ARFGEF1: variants seen among roughly 807,000 people sequenced by gnomAD.
The protein encoded by ARFGEF1 is ARF guanine nucleotide exchange factor 1.
ARFGEF1 carries 42 observed loss-of-function variants against 231.0 expected under a neutral mutation model. The ratio of observed to expected loss-of-function variants is 0.18; its 90% CI spans 0.14 to 0.24. The LOEUF (loss-of-function observed/expected upper bound fraction) is 0.24. Among genes scored for constraint, ARFGEF1 ranks in the 10% least tolerant of loss-of-function variants. ARFGEF1 has a pLI of 1.00. For missense variants in ARFGEF1, 1,345 were observed against 2,192.0 expected, an observed-to-expected ratio of 0.61 and a Z score of 7.72; for synonymous variants, 710 against 732.3, an observed-to-expected ratio of 0.97 and a Z score of 0.49.
At chr8:67,262,854 T>C (rs1374245201) in intron 14 of ARFGEF1, among the ~76,000 whole-genome samples, 3 of 152,206 alleles carry the variant, frequency 2.0e-5, no homozygotes, top group Non-Finnish European at 2.9e-5. Context: ...TATAGGTTAA[T>C]AGACTATGGT....
chr8:67,288,232 C>A (rs760284839), intron 6 of ARFGEF1, among the ~76,000 whole-genome samples, 167 bp from the exon 7 acceptor site: 4 of 151,772 alleles, frequency 2.6e-5, no homozygotes, highest in Non-Finnish European at 5.9e-5. Context: ...AAAATGTATA[C>A]CAAAACTTAA....
chr8:67,199,162 G>A, intron 38 of ARFGEF1, 64 bp from the exon 39 acceptor site: 1 of 1,555,642 alleles, frequency 6.4e-7, no homozygotes. Flanking sequence ...AAACTGCCTA[G>A]AGTCAAACTA....
intron 14 of ARFGEF1, 65 bp downstream of exon 14, chr8:67,265,941 C>A: frequency 6.7e-7 from 1 of 1,488,182 alleles, no homozygotes; most frequent in Non-Finnish European, 9.3e-7. Context: ...AAACCCACGG[C>A]AGGGGTGGCA....
intron 1 of ARFGEF1, among the ~76,000 whole-genome samples, chr8:67,313,235 T>C (rs1223664272): frequency 6.6e-6 from 1 of 152,192 alleles, no homozygotes; most frequent in African/African-American, 2.4e-5. Context: ...CTTTATCTGG[T>C]CCTTCCCTGA....
intron 1 of ARFGEF1, among the ~76,000 whole-genome samples, chr8:67,308,634 T>G (rs1806853885): frequency 6.6e-6 from 1 of 152,206 alleles, no homozygotes; most frequent in South Asian, 2.1e-4. Flanking sequence ...CCATTCTTAC[T>G]CATCATCCCT....
chr8:67,287,922 C>G, intron 7 of ARFGEF1, 33 bp downstream of exon 7: 2 of 1,447,628 alleles, frequency 1.4e-6, no homozygotes, highest in Admixed American at 2.3e-5. Flanking sequence ...ATCCCATAGA[C>G]AGAGTAAAAT....
chr8:67,219,214 G>A (rs1031465390), intron 30 of ARFGEF1, among the ~76,000 whole-genome samples: 3 of 152,130 alleles, frequency 2.0e-5, no homozygotes, highest in Non-Finnish European at 4.4e-5. Context: ...TGATCCACCC[G>A]CCTTGGCCTC....
In ARFGEF1 at chr8:67,334,301, A is replaced by C. The variant is rs988626578; in HGVS notation, c.124+8863T>G. On this transcript the variant is annotated intron_variant, in intron 1 of 38. Coordinates refer to ENST00000262215, the MANE Select transcript of ARFGEF1 (RefSeq NM_006421.5). ...CCAAAGTCCAAAAAAAAAAAAAAAA[A>C]CAAAATTGAAAACATTTCTGATCCC... is the stretch of plus-strand genomic sequence containing the variant. Among the ~76,000 whole-genome samples the C allele has an allele frequency of 9.6e-5, 14 of 145,882 alleles. 1 individual carries two copies. Among genetic ancestry groups the C allele is most frequent in the East Asian group, 6.1e-4 (3 of 4,922 alleles).
At chr8:67,294,182 G>A (rs1345872273) in intron 5 of ARFGEF1, among the ~76,000 whole-genome samples, 1 of 152,084 alleles carries the variant, frequency 6.6e-6, no homozygotes. Flanking sequence ...GATGTGTGTA[G>A]CTTATATGCA....
At position 67,190,396 on chromosome 8, in the gene ARFGEF1, G is replaced by C. The variant is rs186565528; in HGVS notation, c.560+10000C>G. ...TTGAAACAGAGCCGTGTTTGCCCGG[G>C]GCCAGCAGGTGGGGAGTGATTGCCA... On this transcript the variant is annotated intron_variant, in intron 5 of 5. Coordinates refer to the ARFGEF1 transcript ENST00000518789. Among the ~76,000 whole-genome samples the C allele has an allele frequency of 3.3e-3, 499 of 152,222 alleles. 4 individuals are homozygous for C. The highest frequency in any genetic ancestry group is 0.012 in the African/African-American group (479 of 41,524).
intron 1 of ARFGEF1, among the ~76,000 whole-genome samples, chr8:67,339,586 T>C (rs1192589128): frequency 1.3e-5 from 2 of 151,558 alleles, no homozygotes; most frequent in Non-Finnish European, 2.9e-5. Context: ...TAAAAATAGC[T>C]CAGCTGTTGT....
At chr8:67,267,726 A>G (rs1804905565) in intron 10 of ARFGEF1, among the ~76,000 whole-genome samples, 1 of 152,152 alleles carries the variant, frequency 6.6e-6, no homozygotes, top group African/African-American at 2.4e-5. Flanking sequence ...CCTCTAGGTG[A>G]TAATTTCTTT....
intron 1 of ARFGEF1, among the ~76,000 whole-genome samples, chr8:67,313,194 A>AT (rs777020580): frequency 2.6e-5 from 4 of 152,148 alleles, no homozygotes; most frequent in East Asian, 1.9e-4. Context: ...CCAGGAGTTC[A>AT]TTTTTTGGAT....
chr8:67,224,853 A>G (rs769430030), intron 29 of ARFGEF1, 50 bp downstream of exon 29: 10 of 1,341,886 alleles, frequency 7.5e-6, no homozygotes, highest in Admixed American at 7.2e-5. Context: ...AGTTAATTTG[A>G]TTAAAGTCAA....
intron 15 of ARFGEF1, 104 bp from the exon 16 acceptor site, chr8:67,258,394 C>T (rs1401207331): frequency 6.7e-6 from 5 of 750,508 alleles, no homozygotes; most frequent in East Asian, 2.8e-5. Flanking sequence ...GGCACGATCT[C>T]GGCTCACTGC....
intron 1 of ARFGEF1, among the ~76,000 whole-genome samples, chr8:67,328,332 A>AT (rs1399609308): frequency 6.6e-5 from 10 of 152,132 alleles, no homozygotes; most frequent in African/African-American, 2.4e-4. Flanking sequence ...TACAAGATTA[A>AT]TTTTTTATCT....
In ARFGEF1 at chr8:67,226,017, C is replaced by T; in HGVS notation, c.4077+6G>A. ...GCAAAATTTTGTTTACTAAATGACG[C>T]TATACCTGAGGTCTATCAGACACAT... On this transcript the variant is annotated splice_donor_region_variant and intron_variant, in intron 28 of 38. Transcript: ENST00000262215. 1 of 1,592,054 alleles carries T rather than the reference C, an allele frequency of 6.3e-7. No individual in the cohort carries two copies. Among genetic ancestry groups the T allele is most frequent in the African/African-American group, 1.4e-5 (1 of 74,044 alleles).
chr8:67,267,322 A>G (rs1375755227), intron 11 of ARFGEF1, 21 bp downstream of exon 11: 2 of 1,591,892 alleles, frequency 1.3e-6, no homozygotes, highest in South Asian at 1.2e-5. Flanking sequence ...AAGAGATAAT[A>G]AAAAGGATAA....
chr8:67,276,998 GTTC>G lies in ARFGEF1; in HGVS notation c.1203+281_1203+283del, dbSNP rs966526951. On this transcript the variant is annotated intron_variant, in intron 8 of 38. Coordinates refer to ENST00000262215, the MANE Select transcript of ARFGEF1 (RefSeq NM_006421.5). ...TATCTTGTGAATATGTAATAAGAATGTTCTTATTAAATGTTAATTCAATTGGTA... is the reference window on the plus strand; with the variant it reads ...TATCTTGTGAATATGTAATAAGAATGTTATTAAATGTTAATTCAATTGGTA... Among the ~76,000 whole-genome samples, 126 of 152,208 alleles carry G rather than the reference GTTC, an allele frequency of 8.3e-4. 1 individual carries two copies. The highest frequency in any genetic ancestry group is 2.9e-3 in the African/African-American group (121 of 41,546).
Sources: gnomAD v4.1 joint callset for allele counts (sites outside exome capture counted in the v4.1 genomes callset) on GRCh38, gnomAD v4.1.1 for gene constraint, MANE v1.5 for transcripts, NCBI Gene and HGNC (gene_info 2026-07-23, HGNC 2026-07-21) for gene names.